The following DUSP29 variants were observed in gnomAD, a reference collection of about 807,000 sequenced individuals.
The protein encoded by DUSP29 is dual specificity phosphatase 29.
DUSP29 carries 12 observed loss-of-function variants against 13.5 expected under a neutral mutation model. That is an observed-to-expected ratio of 0.89 (90% confidence interval 0.57 to 1.44). DUSP29 has a LOEUF of 1.44. DUSP29 is among the 40% of genes most tolerant of loss of function. DUSP29 has a pLI of 0.00. For synonymous variants in DUSP29, 134 were observed against 128.7 expected (o/e 1.04, Z -0.28); for missense variants, 308 against 301.1 (o/e 1.02, Z -0.17).
At chr10:75,063,297 T>A (rs1305656950) in intron 1 of DUSP29, among the ~76,000 whole-genome samples, 1 of 152,208 alleles carries the variant, frequency 6.6e-6, no homozygotes, top group Non-Finnish European at 1.5e-5. Flanking sequence ...ATTCTTGCCC[T>A]GTTACAAGGA....
At chr10:75,055,803 C>T (rs1846946509) in intron 2 of DUSP29, among the ~76,000 whole-genome samples, 1 of 152,058 alleles carries the variant, frequency 6.6e-6, no homozygotes, top group Non-Finnish European at 1.5e-5. Flanking sequence ...TTCTGTACAC[C>T]CCTCTCCTTC....
intron 2 of DUSP29, among the ~76,000 whole-genome samples, chr10:75,048,860 A>C (rs1037761855): frequency 2.0e-5 from 3 of 152,234 alleles, no homozygotes; most frequent in Non-Finnish European, 2.9e-5. Context: ...CTGAGAAAAC[A>C]TAGGGCTGAC....
Position 75,037,797 on chromosome 10 carries a change from T to C in DUSP29, c.*39A>G. On this transcript the variant is annotated 3_prime_UTR_variant, in exon 4 of 4. Coordinates refer to ENST00000338487, the MANE Select transcript of DUSP29 (RefSeq NM_001003892.3). ...CCAGGGCTATGTTCTGCCTCTCCCCTCTGTCCCCAAGTGCCTCTGCTGGCC... is the reference window on the plus strand; with the variant it reads ...CCAGGGCTATGTTCTGCCTCTCCCCCCTGTCCCCAAGTGCCTCTGCTGGCC... The C allele has an allele frequency of 6.4e-7, 1 of 1,573,966 alleles. No individual in the cohort carries two copies.
At chr10:75,058,587 G>T in intron 1 of DUSP29, 39 bp from the exon 2 acceptor site, 1 of 1,533,744 alleles carries the variant, frequency 6.5e-7, no homozygotes, top group Admixed American at 1.7e-5. Context: ...GTTAGCAGGG[G>T]ACACTGAGGC....
chr10:75,062,022 C>T (rs991127064), intron 1 of DUSP29, among the ~76,000 whole-genome samples: 4 of 152,218 alleles, frequency 2.6e-5, no homozygotes, highest in African/African-American at 4.8e-5. Context: ...CACGGGTGGT[C>T]ATTCAGGCCC....
intron 3 of DUSP29, among the ~76,000 whole-genome samples, chr10:75,040,530 A>G (rs1236148163): frequency 1.3e-5 from 2 of 152,208 alleles, no homozygotes; most frequent in African/African-American, 4.8e-5. Flanking sequence ...TTTTCTGATG[A>G]AGAGTGACAA....
chr10:75,068,872 T>C (rs1415988522), intron 1 of DUSP29, among the ~76,000 whole-genome samples: 1 of 152,226 alleles, frequency 6.6e-6, no homozygotes, highest in East Asian at 1.9e-4. Context: ...AAGTGGATTT[T>C]TTTTAAAAAG....
chr10:75,052,203 A>G (rs2134290849), intron 2 of DUSP29, among the ~76,000 whole-genome samples: 1 of 152,242 alleles, frequency 6.6e-6, no homozygotes, highest in Middle Eastern at 3.4e-3. Context: ...GGTTTTCTGA[A>G]TAAAGTCCCT....
At chr10:75,047,023 G>A (rs1037302841) in intron 2 of DUSP29, among the ~76,000 whole-genome samples, 7 of 152,156 alleles carry the variant, frequency 4.6e-5, no homozygotes, top group African/African-American at 9.7e-5. Flanking sequence ...TTTGGGGAGC[G>A]GGATAGATAT....
rs1379333117 is a variant in DUSP29, at chr10:75,043,670, A to G, written c.421+127T>C. 3.3e-6 allele frequency: 3 copies of G among 908,550 alleles called. No individual in the cohort carries two copies. The East Asian group carries it at 8.2e-5, about 25-fold the overall frequency. The allele number at this position is 908,550 out of a possible 1,614,324, so 56.3% of individuals were successfully genotyped here. A position where few individuals can be genotyped will look rare whatever the true frequency, so the allele number is the denominator to read the frequency against. On this transcript the variant is annotated intron_variant, in intron 3 of 3. Coordinates refer to ENST00000338487, the MANE Select transcript of DUSP29 (RefSeq NM_001003892.3). The stretch of plus-strand genomic sequence containing the variant: ...CCTCAGACGGGGAAACCTTGGGCTA[A>G]GGGCGGAGCCTAGGCTAGGGGCGGA...
At chr10:75,068,726 A>G (rs1847255940) in intron 1 of DUSP29, among the ~76,000 whole-genome samples, 1 of 152,182 alleles carries the variant, frequency 6.6e-6, no homozygotes, top group Non-Finnish European at 1.5e-5. Flanking sequence ...ACCTACTGCT[A>G]GGGTACGTGG....
At chr10:75,060,076 C>T (rs1338737698) in intron 1 of DUSP29, among the ~76,000 whole-genome samples, 1 of 151,822 alleles carries the variant, frequency 6.6e-6, no homozygotes, top group Admixed American at 6.6e-5. Flanking sequence ...AGGAGAATCG[C>T]TTGAACCTAG....
intron 2 of DUSP29, among the ~76,000 whole-genome samples, chr10:75,054,634 C>A (rs192592282): frequency 1.6e-4 from 24 of 152,228 alleles, no homozygotes; most frequent in African/African-American, 5.3e-4. Flanking sequence ...TTGGTGACTG[C>A]TTTGGGATAT....
At chr10:75,047,085 T>G (rs542857075) in intron 2 of DUSP29, among the ~76,000 whole-genome samples, 1 of 151,952 alleles carries the variant, frequency 6.6e-6, no homozygotes. Context: ...CAGGCTGACG[T>G]TGGTTGTGCC....
chr10:75,039,269 A>G (rs1045060902), intron 3 of DUSP29, among the ~76,000 whole-genome samples: 2 of 152,176 alleles, frequency 1.3e-5, no homozygotes, highest in Non-Finnish European at 2.9e-5. Context: ...GTGCATACCT[A>G]TGCTTGCAGG....
chr10:75,047,229 C>G (rs981860418), intron 2 of DUSP29, among the ~76,000 whole-genome samples: 15 of 152,264 alleles, frequency 9.9e-5, no homozygotes, highest in African/African-American at 3.6e-4. Context: ...GGGGACTTCC[C>G]CCAGCTTCAT....
At chr10:75,062,170 C>T (rs1255888579) in intron 1 of DUSP29, among the ~76,000 whole-genome samples, 2 of 152,260 alleles carry the variant, frequency 1.3e-5, no homozygotes, top group Non-Finnish European at 2.9e-5. Flanking sequence ...TTATAGCCCT[C>T]CTTGCTTCAG....
Position 75,037,785 on chromosome 10 carries a change from C to A in DUSP29, c.*51G>T. On this transcript the variant is annotated 3_prime_UTR_variant, in exon 4 of 4. Transcript: ENST00000338487. ...TGGAGTCCTAGGCCAGGGCTATGTT[C>A]TGCCTCTCCCCTCTGTCCCCAAGTG... 1 of 1,559,886 alleles carries A rather than the reference C, an allele frequency of 6.4e-7. No homozygotes were observed. Among genetic ancestry groups the A allele is most frequent in the South Asian group, 1.2e-5 (1 of 85,374 alleles).
intron 1 of DUSP29, among the ~76,000 whole-genome samples, chr10:75,065,017 A>T (rs1053034253): frequency 2.0e-5 from 3 of 152,056 alleles, no homozygotes; most frequent in Non-Finnish European, 4.4e-5. Flanking sequence ...TTTCTACCCC[A>T]TCTCACTTGC....
Sources: gnomAD v4.1 joint callset for allele counts (sites outside exome capture counted in the v4.1 genomes callset) on GRCh38, gnomAD v4.1.1 for gene constraint, MANE v1.5 for transcripts, NCBI Gene and HGNC (gene_info 2026-07-23, HGNC 2026-07-21) for gene names.